The following C12orf42 variants were observed in gnomAD, a reference collection of about 807,000 sequenced individuals.
The protein encoded by C12orf42 is uncharacterized protein C12orf42.
A neutral mutation model predicts 21.6 loss-of-function variants in C12orf42; 25 were observed. The ratio of observed to expected loss-of-function variants is 1.16; its 90% CI spans 0.84 to 1.62. C12orf42 has a LOEUF of 1.62. C12orf42 is among the 40% of genes most tolerant of loss of function. The probability of loss-of-function intolerance (pLI) is 0.00; values close to 1 mark genes in which losing one functional copy is unlikely to be tolerated. For missense variants in C12orf42, 483 were observed against 459.3 expected (o/e 1.05, Z -0.47); for synonymous variants, 174 against 175.0 (o/e 0.99, Z 0.05).
At chr12:103,075,170 A>G in the C12orf42 span, among the ~76,000 whole-genome samples, 215 of 152,310 alleles carry the variant, frequency 1.4e-3, no homozygotes, top group African/African-American at 4.7e-3. Context: ...GTTCTTTTTT[A>G]CTTTTCCCCA....
chr12:103,384,688 T>A (rs1489576055), intron 3 of C12orf42, among the ~76,000 whole-genome samples: 3 of 152,100 alleles, frequency 2.0e-5, no homozygotes, highest in Non-Finnish European at 2.9e-5. Flanking sequence ...AATAGTTACA[T>A]CCAATCAAGT....
At chr12:103,425,287 C>T (rs1052619389) in intron 2 of C12orf42, among the ~76,000 whole-genome samples, 1 of 152,166 alleles carries the variant, frequency 6.6e-6, no homozygotes, top group African/African-American at 2.4e-5. Context: ...TTCCTGCCTG[C>T]CAGCTCTAAA....
chr12:103,483,121 A>G (rs2138084184), intron 1 of C12orf42, among the ~76,000 whole-genome samples: 1 of 152,150 alleles, frequency 6.6e-6, no homozygotes, highest in South Asian at 2.1e-4. Flanking sequence ...GCTTGTGGGT[A>G]TTGTGATTTT....
intron 2 of C12orf42, among the ~76,000 whole-genome samples, chr12:103,407,217 CAAGTGATTAAAAA>C (rs1443340562): frequency 6.6e-6 from 1 of 151,998 alleles, no homozygotes; most frequent in African/African-American, 2.4e-5. Context: ...ATGAGACAGC[CAAGTGATTAAAAA>C]AAGAGACTGG....
intron 2 of C12orf42, among the ~76,000 whole-genome samples, chr12:103,467,157 T>C (rs947478456): frequency 2.6e-5 from 4 of 152,254 alleles, no homozygotes; most frequent in Non-Finnish European, 5.9e-5. Flanking sequence ...TAAAAAAGCA[T>C]TCTCCTTCTC....
chr12:103,531,759 C>A, the C12orf42 span, among the ~76,000 whole-genome samples: 995 of 152,248 alleles, frequency 6.5e-3, 9 homozygotes, highest in Middle Eastern at 0.044. Context: ...AAGGCCCTAG[C>A]AATATTTCCA....
At chr12:103,381,618 G>A (rs937624946) in intron 3 of C12orf42, among the ~76,000 whole-genome samples, 4 of 152,140 alleles carry the variant, frequency 2.6e-5, no homozygotes, top group African/African-American at 9.7e-5. Context: ...CTGGCACTTG[G>A]GCAAATTGCT....
At chr12:103,469,415 C>T (rs779774809) in intron 2 of C12orf42, among the ~76,000 whole-genome samples, 1 of 152,194 alleles carries the variant, frequency 6.6e-6, no homozygotes, top group Admixed American at 6.5e-5. Flanking sequence ...TGTATCTAGA[C>T]ATCTTGATGC....
At chr12:103,467,822 CT>C (rs1474272624) in intron 2 of C12orf42, among the ~76,000 whole-genome samples, 3 of 152,160 alleles carry the variant, frequency 2.0e-5, no homozygotes, top group African/African-American at 7.2e-5. Context: ...AAAAACCAAA[CT>C]TCTTTGTATT....
At chr12:103,119,121 G>A in the C12orf42 span, among the ~76,000 whole-genome samples, 1 of 152,182 alleles carries the variant, frequency 6.6e-6, no homozygotes, top group Non-Finnish European at 1.5e-5. Flanking sequence ...GAGCAGTATA[G>A]TTAAATGGTT....
rs751413092 is a variant in C12orf42, at chr12:103,302,134, G to T, written c.1057C>A (p.Pro353Thr). The change falls in exon 6 of 6, where the codon CCG becomes ACG. Residue 353 changes from proline to threonine, a missense_variant. By Grantham distance (38) the Pro-to-Thr change is conservative (BLOSUM62 -1). Transcript: ENST00000548883. ...CAATGTAAGTGAGCATTCACCACCG[G>T]CCTAGAAAGGGCCTGTGAACAAACC... is the stretch of plus-strand genomic sequence containing the variant. ...HTVCSQALSRPVVNAHLH is the reference protein window; with the variant it reads ...HTVCSQALSRTVVNAHLH The T allele has an allele frequency of 8.7e-6, 14 of 1,611,896 alleles. No homozygotes were observed. In the African/African-American group the frequency reaches 1.9e-4, roughly 22 times the overall value.
intron 4 of C12orf42, among the ~76,000 whole-genome samples, chr12:103,283,986 T>C (rs1390836856): frequency 6.6e-6 from 1 of 152,184 alleles, no homozygotes. Context: ...ATGAAAGCAC[T>C]CTGTCAACTT....
chr12:103,513,233 C>A, the C12orf42 span, among the ~76,000 whole-genome samples: 12 of 151,982 alleles, frequency 7.9e-5, no homozygotes, highest in African/African-American at 2.9e-4. Context: ...TTTGCAGGAA[C>A]CCTAGGGAAA....
the C12orf42 span, among the ~76,000 whole-genome samples, chr12:103,079,005 T>C: frequency 2.0e-5 from 3 of 152,182 alleles, no homozygotes; most frequent in Non-Finnish European, 4.4e-5. Context: ...CTCATGTTGC[T>C]CCCAGATGGG....
At chr12:103,224,661 G>C in the C12orf42 span, among the ~76,000 whole-genome samples, 162 of 152,328 alleles carry the variant, frequency 1.1e-3, 4 homozygotes, top group South Asian at 0.033. Context: ...CGTCAGGTGT[G>C]AGGAAGAAAA....
chr12:103,532,855 C>T, the C12orf42 span, among the ~76,000 whole-genome samples: 2 of 152,206 alleles, frequency 1.3e-5, no homozygotes, highest in African/African-American at 4.8e-5. Context: ...CCTCCTCTAA[C>T]AACAGGGCAG....
At chr12:103,420,798 C>T (rs1219202240) in intron 2 of C12orf42, among the ~76,000 whole-genome samples, 13 of 152,170 alleles carry the variant, frequency 8.5e-5, no homozygotes, top group Admixed American at 4.6e-4. Context: ...GGATTGTAAG[C>T]ATGAGTCACC....
At chr12:103,221,585 T>C in the C12orf42 span, among the ~76,000 whole-genome samples, 1 of 152,162 alleles carries the variant, frequency 6.6e-6, no homozygotes, top group African/African-American at 2.4e-5. Context: ...TCCCTTACTG[T>C]GTTGTTTCTT....
rs569989816 is a variant in C12orf42 at position 103,238,130 on chromosome 12, C to T, written c.*1367-228G>A. ...ATGGCTTGATTTTGTAAGTAAAATTCTACTGAACTCCCCAGAGTAGAGTAG... is the reference window on the plus strand; with the variant it reads ...ATGGCTTGATTTTGTAAGTAAAATTTTACTGAACTCCCCAGAGTAGAGTAG... On this transcript the variant is annotated intron_variant and NMD_transcript_variant, in intron 10 of 10. Transcript: ENST00000547347. 1.1e-4 allele frequency among the ~76,000 whole-genome samples: 17 copies of T among 151,872 alleles called. No homozygotes were observed. The East Asian group carries it at 2.9e-3, about 26-fold the overall frequency.
Sources: gnomAD v4.1 joint callset for allele counts (sites outside exome capture counted in the v4.1 genomes callset) on GRCh38, gnomAD v4.1.1 for gene constraint, MANE v1.5 for transcripts, NCBI Gene and HGNC (gene_info 2026-07-23, HGNC 2026-07-21) for gene names.